Variants in PSMA1 observed in about 807,000 individuals in gnomAD.
PSMA1 encodes the protein proteasome 20S subunit alpha 1, also known as proteasome subunit alpha type-1.
In PSMA1, 3 loss-of-function variants were observed where a neutral mutation model predicts 38.4. That is an observed-to-expected ratio of 0.08 (90% CI 0.04 to 0.20). PSMA1 has a LOEUF of 0.20. PSMA1 is among the 10% of genes least tolerant of loss of function. PSMA1 has a pLI of 1.00. For synonymous variants in PSMA1, 101 were observed against 107.1 expected, an observed-to-expected ratio of 0.94 and a Z score of 0.35; for missense variants, 227 against 325.3, an observed-to-expected ratio of 0.70 and a Z score of 2.32.
At chr11:14,541,811 A>T (rs1469199900) in intron 2 of PSMA1, among the ~76,000 whole-genome samples, 2 of 152,232 alleles carry the variant, frequency 1.3e-5, no homozygotes, top group Non-Finnish European at 2.9e-5. Context: ...TCTATGCATC[A>T]GGGCGGATAG....
At chr11:14,530,792 C>G (rs7929698) in intron 2 of PSMA1, among the ~76,000 whole-genome samples, 19 of 150,766 alleles carry the variant, frequency 1.3e-4, no homozygotes, top group African/African-American at 4.1e-4. Context: ...ATCCTAGCTA[C>G]TTAGGAGGCT....
intron 1 of PSMA1, 103 bp downstream of exon 1, chr11:14,520,194 T>C: frequency 6.4e-7 from 1 of 1,560,882 alleles, no homozygotes; most frequent in Non-Finnish European, 8.8e-7. Context: ...CTCTCATACC[T>C]CGTGGCACCG....
chr11:14,630,166 T>G (rs942946305), intron 1 of PSMA1, among the ~76,000 whole-genome samples: 220 of 152,270 alleles, frequency 1.4e-3, no homozygotes, highest in African/African-American at 4.9e-3. Context: ...TTCCTTCTCC[T>G]GCCTAATTGC....
intron 1 of PSMA1, among the ~76,000 whole-genome samples, chr11:14,639,301 TAAG>T (rs1482666138): frequency 1.3e-5 from 2 of 152,206 alleles, no homozygotes; most frequent in African/African-American, 4.8e-5. Context: ...AAATGAATGT[TAAG>T]AAAAATATTT....
intron 2 of PSMA1, among the ~76,000 whole-genome samples, chr11:14,576,353 A>C (rs1198104848): frequency 2.6e-5 from 4 of 152,150 alleles, no homozygotes; most frequent in African/African-American, 4.8e-5. Flanking sequence ...AAGTCCTTGC[A>C]CATGCCTATG....
chr11:14,626,781 A>G (rs1250326178), intron 1 of PSMA1, among the ~76,000 whole-genome samples: 3 of 152,226 alleles, frequency 2.0e-5, no homozygotes, highest in Non-Finnish European at 4.4e-5. Context: ...ATAATTAGGG[A>G]TCTTTTTTAG....
intron 1 of PSMA1, among the ~76,000 whole-genome samples, chr11:14,635,247 T>C (rs1257404676): frequency 1.3e-5 from 2 of 152,236 alleles, no homozygotes; most frequent in South Asian, 4.1e-4. Flanking sequence ...GTTGTTCATG[T>C]TAGAGTGGAT....
chr11:14,520,366 A>G lies in PSMA1; in HGVS notation c.-67T>C. ...GAATCAAGGAGGTGCTGCCGAAAGT[A>G]TCGCTCAGCGATCTACAGAGAAGTC... On this transcript the variant is annotated 5_prime_UTR_variant, in exon 1 of 10. Transcript: ENST00000396394. The G allele has an allele frequency of 6.2e-7, 1 of 1,614,180 alleles. No individual in the cohort carries two copies. Among genetic ancestry groups the G allele is most frequent in the East Asian group, 2.2e-5 (1 of 44,882 alleles).
chr11:14,526,752 C>T (rs1219203571), intron 2 of PSMA1, among the ~76,000 whole-genome samples: 1 of 152,146 alleles, frequency 6.6e-6, no homozygotes. Context: ...ATGCACCTGA[C>T]ATTCACTCCA....
chr11:14,507,953 T>C (rs1303866655), intron 8 of PSMA1, among the ~76,000 whole-genome samples, 187 bp from the exon 9 acceptor site: 1 of 152,200 alleles, frequency 6.6e-6, no homozygotes, highest in African/African-American at 2.4e-5. Context: ...AGATTTAATA[T>C]TAATACTAAC....
chr11:14,601,825 T>C (rs1852583726), intron 2 of PSMA1, among the ~76,000 whole-genome samples: 1 of 152,210 alleles, frequency 6.6e-6, no homozygotes, highest in Admixed American at 6.5e-5. Context: ...CCTATGTACA[T>C]AACAATTTTG....
rs992153331 is a variant in PSMA1 at position 14,642,523 on chromosome 11, C to T, written c.-166+932G>A. 8.5e-5 allele frequency among the ~76,000 whole-genome samples: 13 copies of T among 152,242 alleles called. No individual in the cohort carries two copies. In the East Asian group the frequency reaches 1.4e-3, roughly 16 times the overall value. The stretch of plus-strand genomic sequence containing the variant: ...TATGCATGTGAACTATGACCATATA[C>T]GAAAATGGTCTGTTTTAGGTCATGA... On this transcript the variant is annotated intron_variant, in intron 1 of 10. Coordinates refer to the PSMA1 transcript ENST00000418988.
chr11:14,614,186 T>G (rs1590011283), intron 1 of PSMA1, among the ~76,000 whole-genome samples: 1 of 152,294 alleles, frequency 6.6e-6, no homozygotes, highest in East Asian at 1.9e-4. Context: ...GAGGGTTGTT[T>G]GTTTTTTTAA....
intron 1 of PSMA1, among the ~76,000 whole-genome samples, chr11:14,639,574 T>C (rs556053263): frequency 6.8e-4 from 104 of 152,338 alleles, no homozygotes; most frequent in Non-Finnish European, 1.3e-3. Context: ...GAGCTAGCCA[T>C]GTAAATAAGC....
chr11:14,552,933 C>T (rs1238639917), intron 2 of PSMA1, among the ~76,000 whole-genome samples: 1 of 150,440 alleles, frequency 6.6e-6, no homozygotes, highest in African/African-American at 2.4e-5. Flanking sequence ...CTCGAGCAAT[C>T]CCTACACCTC....
At chr11:14,588,991 T>C (rs753414462) in intron 2 of PSMA1, among the ~76,000 whole-genome samples, 7 of 152,212 alleles carry the variant, frequency 4.6e-5, no homozygotes, top group Non-Finnish European at 1.0e-4. Context: ...ACCCTTCCTT[T>C]TACTTACCCT....
intron 1 of PSMA1, among the ~76,000 whole-genome samples, chr11:14,621,696 A>G (rs1852845840): frequency 6.6e-6 from 1 of 152,164 alleles, no homozygotes; most frequent in Non-Finnish European, 1.5e-5. Flanking sequence ...CTTTACAATC[A>G]GTTTTCTTTT....
intron 2 of PSMA1, 150 bp from the exon 3 acceptor site, chr11:14,518,131 C>T (rs2134150257): frequency 3.4e-6 from 2 of 586,990 alleles, no homozygotes; most frequent in Admixed American, 3.4e-5. Flanking sequence ...GACAGGTTCT[C>T]ACTCTGTCAC....
chr11:14,584,899 T>G (rs948259616), intron 2 of PSMA1, among the ~76,000 whole-genome samples: 5 of 152,214 alleles, frequency 3.3e-5, no homozygotes, highest in Admixed American at 1.3e-4. Flanking sequence ...GATGCTAGTG[T>G]TCCTGTCTCC....
Sources: allele counts gnomAD v4.1 joint callset (sites outside exome capture counted in the v4.1 genomes callset), GRCh38; gene constraint gnomAD v4.1.1; transcripts MANE v1.5; gene names NCBI Gene and HGNC (gene_info 2026-07-23, HGNC 2026-07-21).